TAFA2: variants seen among roughly 807,000 people sequenced by gnomAD.
TAFA2 encodes chemokine-like protein TAFA-2.
TAFA2 carries 7 observed loss-of-function variants against 18.8 expected under a neutral mutation model. The ratio of observed to expected loss-of-function variants is 0.37; its 90% CI spans 0.21 to 0.70. The LOEUF is 0.70. Among genes scored for constraint, TAFA2 ranks in the 30% least tolerant of loss-of-function variants. The pLI is 0.53. For missense variants in TAFA2, 122 were observed against 158.1 expected (o/e 0.77, Z 1.23); for synonymous variants, 60 against 54.2 (o/e 1.11, Z -0.47).
intron 1 of TAFA2, among the ~76,000 whole-genome samples, chr12:62,044,636 T>C (rs556344731): frequency 8.5e-5 from 13 of 152,266 alleles, no homozygotes; most frequent in Non-Finnish European, 1.8e-4. Context: ...GTTTGCTTCC[T>C]ACCTGCTGTT....
In TAFA2 at chr12:62,225,899, A is replaced by T. The variant is rs372641773; in HGVS notation, c.-130+32864T>A. ...GTATAAATGGGTTTAAAATCTGTGG[A>T]GGGTAATTTGGCAATATTTATAAAA... On this transcript the variant is annotated intron_variant, in intron 1 of 5. Transcript: ENST00000551619. Among the ~76,000 whole-genome samples the T allele has an allele frequency of 1.3e-4, 20 of 152,312 alleles. No individual in the cohort carries two copies. The East Asian group carries it at 3.1e-3, about 24-fold the overall frequency.
chr12:61,740,262 T>C (rs768151183), intron 4 of TAFA2, among the ~76,000 whole-genome samples: 2 of 151,646 alleles, frequency 1.3e-5, no homozygotes, highest in African/African-American at 4.8e-5. Context: ...TTCTCACTCA[T>C]AAGTGGGAGT....
At chr12:61,987,269 A>T (rs1233076592) in intron 1 of TAFA2, among the ~76,000 whole-genome samples, 2 of 152,238 alleles carry the variant, frequency 1.3e-5, no homozygotes, top group South Asian at 2.1e-4. Flanking sequence ...TAGCTGAATT[A>T]AAAAAGCAAT....
At chr12:61,956,580 GT>G (rs920266272) in intron 1 of TAFA2, among the ~76,000 whole-genome samples, 1 of 145,114 alleles carries the variant, frequency 6.9e-6, no homozygotes, top group Non-Finnish European at 1.5e-5. Flanking sequence ...AACAGATGGT[GT>G]TTTTTTGGTT....
chr12:62,073,466 G>A (rs1882685182), intron 1 of TAFA2, among the ~76,000 whole-genome samples: 1 of 150,684 alleles, frequency 6.6e-6, no homozygotes, highest in Non-Finnish European at 1.5e-5. Flanking sequence ...CACCTTTGAG[G>A]TAGGTGTTAT....
intron 1 of TAFA2, among the ~76,000 whole-genome samples, chr12:62,164,811 GA>G (rs1274356195): frequency 6.6e-6 from 1 of 152,046 alleles, no homozygotes; most frequent in African/African-American, 2.4e-5. Context: ...TCACATAAAT[GA>G]AAGAATAGGT....
chr12:62,230,162 T>TA (rs142303283), intron 1 of TAFA2, among the ~76,000 whole-genome samples: 43,620 of 136,276 alleles, frequency 0.32, 6,701 homozygotes, highest in African/African-American at 0.43. Context: ...TTATCTTTTT[T>TA]AAAAACTAAC....
intron 1 of TAFA2, chr12:61,880,771 G>C: frequency 2.7e-6 from 1 of 365,216 alleles, no homozygotes; most frequent in Non-Finnish European, 5.4e-6. Context: ...CTGCCTGAGT[G>C]AACTGCCATG....
intron 1 of TAFA2, among the ~76,000 whole-genome samples, chr12:62,257,517 GA>G (rs2062946619): frequency 6.6e-6 from 1 of 152,102 alleles, no homozygotes; most frequent in Non-Finnish European, 1.5e-5. Context: ...GAGAGGTTTG[GA>G]ATTACTAGAG....
At chr12:61,845,205 C>T (rs1342249467) in intron 2 of TAFA2, among the ~76,000 whole-genome samples, 1 of 151,926 alleles carries the variant, frequency 6.6e-6, no homozygotes, top group Non-Finnish European at 1.5e-5. Context: ...CTAATCATGC[C>T]CGTAGCAGTT....
At chr12:61,755,841 A>AT (rs563819043) in intron 2 of TAFA2, among the ~76,000 whole-genome samples, 3 of 151,898 alleles carry the variant, frequency 2.0e-5, no homozygotes, top group Admixed American at 6.6e-5. Context: ...TGTCTTCATT[A>AT]TTTTTTTTCA....
chr12:62,147,553 C>T (rs1247301835), intron 1 of TAFA2, among the ~76,000 whole-genome samples: 1 of 149,396 alleles, frequency 6.7e-6, no homozygotes. Context: ...CACAGTGAAC[C>T]CTTGTCTCTA....
intron 1 of TAFA2, among the ~76,000 whole-genome samples, chr12:62,116,629 C>A (rs1034261545): frequency 6.8e-6 from 1 of 146,188 alleles, no homozygotes; most frequent in Non-Finnish European, 1.5e-5. Context: ...TGGGTCTTTG[C>A]TGCTTTCTCA....
chr12:62,120,075 T>TA (rs921086668), intron 1 of TAFA2, among the ~76,000 whole-genome samples: 10 of 146,306 alleles, frequency 6.8e-5, no homozygotes, highest in Non-Finnish European at 1.1e-4. Context: ...AAAAAAACAT[T>TA]AAAAAAAAAA....
intron 1 of TAFA2, among the ~76,000 whole-genome samples, chr12:61,995,417 C>T (rs1045456882): frequency 1.3e-5 from 2 of 152,220 alleles, no homozygotes; most frequent in African/African-American, 4.8e-5. Flanking sequence ...TTCTTCACTA[C>T]ATTTTCTCTA....
intron 1 of TAFA2, among the ~76,000 whole-genome samples, chr12:62,241,390 A>C (rs992855368): frequency 3.9e-5 from 6 of 152,254 alleles, no homozygotes; most frequent in Non-Finnish European, 8.8e-5. Flanking sequence ...TGTAATTCTC[A>C]GATTCAAGAA....
chr12:61,844,746 A>G (rs1166372174), intron 2 of TAFA2, among the ~76,000 whole-genome samples: 1 of 152,182 alleles, frequency 6.6e-6, no homozygotes, highest in Non-Finnish European at 1.5e-5. Context: ...ATTATCAGCC[A>G]TGTGAGAATT....
At chr12:62,148,334 C>T (rs1174040027) in intron 1 of TAFA2, among the ~76,000 whole-genome samples, 1 of 152,072 alleles carries the variant, frequency 6.6e-6, no homozygotes, top group Non-Finnish European at 1.5e-5. Flanking sequence ...GAAAATGTGG[C>T]ATATATACAA....
chr12:61,728,664 G>C (rs1870290768), intron 4 of TAFA2, among the ~76,000 whole-genome samples: 1 of 142,042 alleles, frequency 7.0e-6, no homozygotes, highest in Admixed American at 7.3e-5. Context: ...TACTTGGTTG[G>C]TGACTTCTAT....
Sources: allele counts gnomAD v4.1 joint callset (sites outside exome capture counted in the v4.1 genomes callset), GRCh38; gene constraint gnomAD v4.1.1; transcripts MANE v1.5; gene names NCBI Gene and HGNC (gene_info 2026-07-23, HGNC 2026-07-21).